Variants in ADAM12 observed in about 807,000 individuals in gnomAD.
ADAM12 encodes ADAM metallopeptidase domain 12.
A neutral mutation model predicts 106.4 loss-of-function variants in ADAM12; 70 were observed. The observed-to-expected ratio is 0.66, with a 90% confidence interval of 0.54 to 0.80. ADAM12 has a LOEUF of 0.80. Ranked by LOEUF, ADAM12 falls within the 30% of genes least tolerant of loss-of-function variation. ADAM12 has a pLI of 0.00. For missense variants in ADAM12, 1,010 were observed against 1,171.9 expected, an observed-to-expected ratio of 0.86 and a Z score of 2.02; for synonymous variants, 420 against 433.5, an observed-to-expected ratio of 0.97 and a Z score of 0.39.
chr10:126,070,302 A>G (rs1954961462), intron 12 of ADAM12: 1 of 152,218 alleles, frequency 6.6e-6, no homozygotes, highest in African/African-American at 2.4e-5. Context: ...TATCATGGTT[A>G]AGTTCTGAGT....
chr10:126,088,271 G>A (rs1590392334), intron 11 of ADAM12, among the ~76,000 whole-genome samples: 1 of 152,112 alleles, frequency 6.6e-6, no homozygotes, highest in Non-Finnish European at 1.5e-5. Flanking sequence ...CCTCTAGAGG[G>A]TACACAGTAA....
chr10:126,116,867 T>C (rs538420057), intron 6 of ADAM12, among the ~76,000 whole-genome samples: 1 of 152,288 alleles, frequency 6.6e-6, no homozygotes, highest in Admixed American at 6.5e-5. Flanking sequence ...TCATTTGGGA[T>C]AACCCCTACT....
At chr10:126,325,693 T>G (rs1253416028) in intron 2 of ADAM12, among the ~76,000 whole-genome samples, 1 of 152,198 alleles carries the variant, frequency 6.6e-6, no homozygotes, top group Admixed American at 6.5e-5. Context: ...TGAGGTCATC[T>G]CACGATCAAT....
chr10:126,020,898 C>G (rs1294662592), intron 21 of ADAM12, among the ~76,000 whole-genome samples: 15 of 145,356 alleles, frequency 1.0e-4, no homozygotes, highest in Non-Finnish European at 1.6e-4. Flanking sequence ...GAGGCTGAGG[C>G]AGGAGAATCG....
intron 2 of ADAM12, among the ~76,000 whole-genome samples, chr10:126,320,344 G>T (rs1290492257): frequency 6.6e-6 from 1 of 152,152 alleles, no homozygotes; most frequent in African/African-American, 2.4e-5. Flanking sequence ...CTCTATGCAG[G>T]CATATGTTAC....
chr10:126,081,584 C>T (rs1226989965), intron 11 of ADAM12, among the ~76,000 whole-genome samples: 6 of 152,164 alleles, frequency 3.9e-5, no homozygotes, highest in Non-Finnish European at 1.5e-5. Context: ...CTCTTCTTTA[C>T]CTGGGCGTGT....
chr10:126,330,479 T>G lies in ADAM12; in HGVS notation c.119A>C (p.Asp40Ala). The change falls in exon 2 of 23, where the codon GAT becomes GCT. Residue 40 changes from aspartate to alanine, a missense_variant. Asp to Ala is a moderately radical substitution (Grantham distance 126, BLOSUM62 -2). Transcript: ENST00000448723. Reference protein sequence around the residue: ...GVSLWNQGRADEVVSASVGSG... With the variant: ...GVSLWNQGRAAEVVSASVGSG... Reference sequence around the variant, plus strand: ...CCCAACAGAGGCACTGACAACTTCATCAGCTCTTCCTTGGTTCCATAAGCT... The same window carrying G: ...CCCAACAGAGGCACTGACAACTTCAGCAGCTCTTCCTTGGTTCCATAAGCT... 3 of 1,613,856 alleles carry G rather than the reference T, an allele frequency of 1.9e-6. No individual in the cohort carries two copies. The highest frequency in any genetic ancestry group is 2.5e-6 in the Non-Finnish European group (3 of 1,179,960).
intron 3 of ADAM12, among the ~76,000 whole-genome samples, chr10:126,275,371 G>C (rs1959217026): frequency 6.6e-6 from 1 of 152,126 alleles, no homozygotes; most frequent in South Asian, 2.1e-4. Context: ...ATGCTTCTCA[G>C]GGGCTATACA....
At chr10:126,259,435 T>C (rs1958956029) in intron 3 of ADAM12, among the ~76,000 whole-genome samples, 1 of 152,086 alleles carries the variant, frequency 6.6e-6, no homozygotes. Context: ...TTCAATATTT[T>C]TGCAAAGTTT....
intron 14 of ADAM12, among the ~76,000 whole-genome samples, chr10:126,056,115 G>T (rs930478860): frequency 1.3e-5 from 2 of 152,176 alleles, no homozygotes; most frequent in African/African-American, 4.8e-5. Flanking sequence ...TGAACGATGC[G>T]AGGTTCTAAA....
intron 3 of ADAM12, among the ~76,000 whole-genome samples, chr10:126,199,977 C>T (rs958244093): frequency 2.0e-5 from 3 of 152,166 alleles, no homozygotes; most frequent in Admixed American, 6.5e-5. Context: ...GTCTTCCACA[C>T]GCACCATGAC....
At chr10:126,294,835 CAGAAA>C (rs1183320214) in intron 2 of ADAM12, among the ~76,000 whole-genome samples, 1 of 151,932 alleles carries the variant, frequency 6.6e-6, no homozygotes, top group East Asian at 1.9e-4. Context: ...GAAAATAGTT[CAGAAA>C]AGATTTCTGA....
chr10:126,318,281 CACTCAA>C (rs1377256488), intron 2 of ADAM12, among the ~76,000 whole-genome samples: 2 of 152,094 alleles, frequency 1.3e-5, no homozygotes, highest in African/African-American at 2.4e-5. Flanking sequence ...CACTTTCACA[CACTCAA>C]ACTCACACAC....
intron 3 of ADAM12, among the ~76,000 whole-genome samples, chr10:126,245,850 A>G (rs1958618589): frequency 6.6e-6 from 1 of 152,080 alleles, no homozygotes; most frequent in South Asian, 2.1e-4. Flanking sequence ...GGTCACGGAG[A>G]GGATGGGGTG....
intron 3 of ADAM12, among the ~76,000 whole-genome samples, chr10:126,259,488 A>G (rs1464917643): frequency 1.3e-5 from 2 of 152,230 alleles, no homozygotes; most frequent in African/African-American, 4.8e-5. Flanking sequence ...ACTAACAAAA[A>G]TAAAGGCCAC....
chr10:126,082,808 C>T (rs901357380), intron 11 of ADAM12, among the ~76,000 whole-genome samples: 4 of 152,200 alleles, frequency 2.6e-5, no homozygotes, highest in Admixed American at 6.5e-5. Context: ...CTCTTCTCTT[C>T]CCAAGTGAGA....
At chr10:126,020,821 T>C (rs1404662324) in intron 21 of ADAM12, among the ~76,000 whole-genome samples, 1 of 151,758 alleles carries the variant, frequency 6.6e-6, no homozygotes, top group Non-Finnish European at 1.5e-5. Context: ...TGAAACTCCG[T>C]CTCTACTAAA....
At chr10:126,163,387 T>C (rs1956970400) in intron 3 of ADAM12, among the ~76,000 whole-genome samples, 1 of 152,200 alleles carries the variant, frequency 6.6e-6, no homozygotes, top group African/African-American at 2.4e-5. Context: ...TACTGTATTT[T>C]CTGATTTCAA....
chr10:126,315,584 C>T (rs1481484943), intron 2 of ADAM12, among the ~76,000 whole-genome samples: 2 of 152,070 alleles, frequency 1.3e-5, no homozygotes, highest in Admixed American at 6.5e-5. Flanking sequence ...CCATCACAGG[C>T]GTTTCCCATG....
Sources: allele counts gnomAD v4.1 joint callset (sites outside exome capture counted in the v4.1 genomes callset), GRCh38; gene constraint gnomAD v4.1.1; transcripts MANE v1.5; gene names NCBI Gene and HGNC (gene_info 2026-07-23, HGNC 2026-07-21).